Variants in SCN7A observed in about 807,000 individuals in gnomAD.
SCN7A encodes sodium channel protein type 7 subunit alpha.
SCN7A carries 138 observed loss-of-function variants against 155.2 expected under a neutral mutation model. The ratio of observed to expected loss-of-function variants is 0.89; its 90% CI spans 0.77 to 1.02. SCN7A has a LOEUF of 1.02. SCN7A is among the 50% of genes least tolerant of loss of function. The pLI is 0.00. For missense variants in SCN7A, 2,058 were observed against 1,986.6 expected, an observed-to-expected ratio of 1.04 and a Z score of -0.68; for synonymous variants, 693 against 649.0, an observed-to-expected ratio of 1.07 and a Z score of -1.03.
chr2:166,453,047 G>A (rs1003489402), intron 11 of SCN7A, among the ~76,000 whole-genome samples: 21 of 152,162 alleles, frequency 1.4e-4, no homozygotes, highest in African/African-American at 3.9e-4. Context: ...TATAATTAAC[G>A]AGTGATTATT....
At chr2:166,421,365 C>T in intron 19 of SCN7A, 68 bp from the exon 20 acceptor site, 3 of 923,100 alleles carry the variant, frequency 3.2e-6, no homozygotes, top group Non-Finnish European at 4.7e-6. Context: ...GTAAAATAAA[C>T]TTTGCATTTA....
chr2:166,439,897 TG>T (rs1388468064), intron 15 of SCN7A, among the ~76,000 whole-genome samples: 2 of 152,186 alleles, frequency 1.3e-5, no homozygotes, highest in East Asian at 3.8e-4. Flanking sequence ...ACAAGCAATG[TG>T]GACAGGTAAA....
At chr2:166,422,058 C>T (rs1397460917) in intron 19 of SCN7A, among the ~76,000 whole-genome samples, 1 of 152,030 alleles carries the variant, frequency 6.6e-6, no homozygotes, top group Non-Finnish European at 1.5e-5. Context: ...AGAACAGTGA[C>T]TAGGAAACAG....
intron 1 of SCN7A, among the ~76,000 whole-genome samples, chr2:166,488,539 G>A (rs1041738122): frequency 2.6e-5 from 4 of 152,086 alleles, no homozygotes; most frequent in Non-Finnish European, 4.4e-5. Flanking sequence ...ACCATTTACA[G>A]GCTGGGATAT....
At chr2:166,417,367 G>A (rs1431265477) in intron 20 of SCN7A, among the ~76,000 whole-genome samples, 5 of 152,066 alleles carry the variant, frequency 3.3e-5, no homozygotes, top group South Asian at 4.1e-4. Context: ...CAACTACTCG[G>A]GAGGCTGAGG....
At chr2:166,465,732 CT>C (rs1702516847) in intron 8 of SCN7A, 48 bp downstream of exon 8, 3 of 1,585,104 alleles carry the variant, frequency 1.9e-6, no homozygotes, top group African/African-American at 1.3e-5. Flanking sequence ...ACTGCTTTGC[CT>C]TTAACGAAAG....
In SCN7A at chr2:166,443,532, C is replaced by A; in HGVS notation, c.1771G>T (p.Gly591Ter). The A allele has an allele frequency of 6.3e-7, 1 of 1,595,426 alleles. No individual in the cohort carries two copies. Among genetic ancestry groups the A allele is most frequent in the Non-Finnish European group, 8.5e-7 (1 of 1,171,414 alleles). ...CTGAATAATCGAAGAAGAGCCATTC[C>A]TGCAACATTTGCTAGACAAAGTTCT... The part of the protein sequence containing the change: ...LIELCLANVA[G>*]MALLRLFRML... Residue 591 changes from glycine (G) to a stop codon, truncating the protein, a stop_gained, in exon 14 of 26, where the codon GGA becomes TGA. Coordinates refer to ENST00000643258, the MANE Select transcript of SCN7A (RefSeq NM_002976.4). LOFTEE classifies it high-confidence loss of function.
chr2:166,434,668 T>C (rs1224580708), intron 15 of SCN7A, among the ~76,000 whole-genome samples: 1 of 152,158 alleles, frequency 6.6e-6, no homozygotes, highest in East Asian at 1.9e-4. Context: ...ACTCTATGAT[T>C]CTCAAAGGAC....
chr2:166,459,549 T>C (rs145741422), intron 10 of SCN7A, among the ~76,000 whole-genome samples: 2 of 152,276 alleles, frequency 1.3e-5, no homozygotes, highest in East Asian at 3.9e-4. Context: ...AACAATAATA[T>C]CCAAAACATA....
Position 166,432,366 on chromosome 2 carries a change from C to T in SCN7A, c.2544G>A (p.Leu848=). The T allele has an allele frequency of 1.9e-6, 3 of 1,612,512 alleles. No individual in the cohort carries two copies. The South Asian group carries it at 3.3e-5, about 18-fold the overall frequency. Residue 848 remains leucine (L), a synonymous_variant, in exon 16 of 26, where the codon CTG becomes CTA. Transcript: ENST00000643258. ...ACTTACTCTGAATCTCCTTATTATC[C>T]AGATTTTCTATATCAGATTCTCCTG... ...IASGESDIEN[L]DNKEIQSKSG... is the part of the protein sequence containing the mutation.
chr2:166,462,170 G>C lies in SCN7A; in HGVS notation c.1083+219C>G, dbSNP rs59569521. ...TCCTCTCTTCTCTCTCTCTCTCTCT[G>C]ACCTTGTAGAATTGTTTCAAAGATT... On this transcript the variant is annotated intron_variant, in intron 10 of 25. Transcript: ENST00000643258. The C allele has an allele frequency of 7.4e-3, 2,991 of 402,632 alleles. 118 individuals carry two copies. In the East Asian group the frequency reaches 0.098, roughly 13 times the overall value. The allele number at this position is 402,632 out of a possible 1,614,324, so 24.9% of individuals were successfully genotyped here.
At chr2:166,417,008 A>T in intron 20 of SCN7A, 23 bp from the exon 21 acceptor site, 1 of 1,508,308 alleles carries the variant, frequency 6.6e-7, no homozygotes, top group Non-Finnish European at 8.9e-7. Flanking sequence ...AAAAATGTAA[A>T]CTTTAGATAG....
intron 13 of SCN7A, 53 bp from the exon 14 acceptor site, chr2:166,443,729 G>A: frequency 7.7e-7 from 1 of 1,292,770 alleles, no homozygotes; most frequent in Non-Finnish European, 1.1e-6. Context: ...AGCTGTATCA[G>A]AATCTTCACA....
At chr2:166,423,485 A>C (rs1284678228) in intron 18 of SCN7A, 53 bp from the exon 19 acceptor site, 41 of 1,444,550 alleles carry the variant, frequency 2.8e-5, no homozygotes, top group Non-Finnish European at 3.4e-5. Flanking sequence ...ATTTCTAAAA[A>C]CTCTTTTGAC....
intron 24 of SCN7A, 65 bp downstream of exon 24, chr2:166,410,155 C>T (rs1242553680): frequency 1.6e-6 from 2 of 1,262,444 alleles, no homozygotes; most frequent in Non-Finnish European, 2.2e-6. Context: ...TTTGTTAAGG[C>T]TTTAAAAGAG....
intron 2 of SCN7A, among the ~76,000 whole-genome samples, chr2:166,482,932 A>G (rs1395078215): frequency 6.6e-6 from 1 of 152,096 alleles, no homozygotes; most frequent in Non-Finnish European, 1.5e-5. Flanking sequence ...CTGGTGAGCC[A>G]TCTTAATACA....
intron 5 of SCN7A, among the ~76,000 whole-genome samples, chr2:166,473,194 A>T (rs1386537042): frequency 6.6e-6 from 1 of 151,862 alleles, no homozygotes; most frequent in Admixed American, 6.6e-5. Context: ...AGTAAAAAAA[A>T]AAAGTTCAAT....
At chr2:166,426,925 G>A (rs1337561239) in intron 18 of SCN7A, among the ~76,000 whole-genome samples, 1 of 151,978 alleles carries the variant, frequency 6.6e-6, no homozygotes, top group Non-Finnish European at 1.5e-5. Flanking sequence ...CATCTTCTGT[G>A]TTCTGTGCAC....
rs57133932 is a variant in SCN7A at position 166,484,382 on chromosome 2, T to C, written c.-15+2474A>G. On this transcript the variant is annotated intron_variant, in intron 2 of 25. Coordinates refer to ENST00000643258, the MANE Select transcript of SCN7A (RefSeq NM_002976.4). ...TGTTTTATATGCAAATATAAATAGA[T>C]ATATTTATGTACCTATGAGTGTGTA... Among the ~76,000 whole-genome samples, 782 of 151,968 alleles carry C rather than the reference T, an allele frequency of 5.1e-3. 44 individuals are homozygous for C. In the East Asian group the frequency reaches 0.11, roughly 22 times the overall value.
Sources: allele counts gnomAD v4.1 joint callset (sites outside exome capture counted in the v4.1 genomes callset), GRCh38; gene constraint gnomAD v4.1.1; transcripts MANE v1.5; gene names NCBI Gene and HGNC (gene_info 2026-07-23, HGNC 2026-07-21).